MALRD1: variants seen among roughly 807,000 people sequenced by gnomAD.
The protein encoded by MALRD1 is MAM and LDL receptor class A domain containing 1.
A neutral mutation model predicts 242.1 loss-of-function variants in MALRD1; 247 were observed. That is an observed-to-expected ratio of 1.02 (90% confidence interval 0.92 to 1.13). The LOEUF (loss-of-function observed/expected upper bound fraction) is 1.13. MALRD1 is among the 50% of genes most tolerant of loss of function. The pLI, the probability that MALRD1 is intolerant of heterozygous loss-of-function variation, is 0.00. For synonymous variants in MALRD1, 995 were observed against 866.6 expected (o/e 1.15, Z -2.60); for missense variants, 2,989 against 2,533.1 (o/e 1.18, Z -3.86).
At chr10:19,586,158 G>T (rs1204156986) in intron 33 of MALRD1, among the ~76,000 whole-genome samples, 5 of 151,982 alleles carry the variant, frequency 3.3e-5, no homozygotes, top group Non-Finnish European at 1.5e-5. Flanking sequence ...CAACTTCTTT[G>T]CCTTTGGTGT....
chr10:19,603,503 T>C (rs1838463310), intron 34 of MALRD1, among the ~76,000 whole-genome samples: 1 of 152,132 alleles, frequency 6.6e-6, no homozygotes, highest in African/African-American at 2.4e-5. Context: ...CAGATGGTTG[T>C]AGATGTGTGG....
intron 4 of MALRD1, among the ~76,000 whole-genome samples, chr10:19,096,544 C>G (rs994894780): frequency 6.6e-6 from 1 of 152,174 alleles, no homozygotes; most frequent in African/African-American, 2.4e-5. Flanking sequence ...TCTATCCTGT[C>G]AGCAAGTGAG....
chr10:19,587,654 A>T (rs1301829023), intron 33 of MALRD1, among the ~76,000 whole-genome samples: 1 of 152,250 alleles, frequency 6.6e-6, no homozygotes, highest in Non-Finnish European at 1.5e-5. Context: ...GAACAATGAA[A>T]CTTAACGTCT....
intron 24 of MALRD1, among the ~76,000 whole-genome samples, chr10:19,340,144 A>G (rs1000459243): frequency 6.6e-6 from 1 of 152,084 alleles, no homozygotes. Flanking sequence ...GAGCCAAACC[A>G]TTTCATAGTA....
At chr10:19,688,995 A>AAAG (rs1256015406) in intron 36 of MALRD1, among the ~76,000 whole-genome samples, 1 of 152,166 alleles carries the variant, frequency 6.6e-6, no homozygotes, top group Admixed American at 6.6e-5. Flanking sequence ...GGTGAAGAGG[A>AAAG]AAGAAGAAGA....
intron 4 of MALRD1, among the ~76,000 whole-genome samples, chr10:19,099,226 T>C (rs1425788530): frequency 6.6e-6 from 1 of 152,206 alleles, no homozygotes; most frequent in African/African-American, 2.4e-5. Flanking sequence ...TTTTTCAGGC[T>C]GCTATTTGTT....
chr10:19,360,535 G>T (rs1844845638), intron 26 of MALRD1, among the ~76,000 whole-genome samples: 1 of 151,878 alleles, frequency 6.6e-6, no homozygotes, highest in South Asian at 2.1e-4. Context: ...TTCCTCTATT[G>T]CTGGTGATAA....
chr10:19,480,803 CCTT>C (rs1836961043), intron 29 of MALRD1, among the ~76,000 whole-genome samples: 1 of 152,072 alleles, frequency 6.6e-6, no homozygotes. Flanking sequence ...ATCTCTTCTT[CCTT>C]CTTTCTAGGC....
intron 31 of MALRD1, among the ~76,000 whole-genome samples, chr10:19,500,653 C>A (rs1437132958): frequency 2.6e-5 from 4 of 152,128 alleles, no homozygotes; most frequent in African/African-American, 9.7e-5. Flanking sequence ...ACTTTTAAAA[C>A]CTGAAGTCAG....
intron 33 of MALRD1, among the ~76,000 whole-genome samples, chr10:19,574,418 C>CCT (rs1322973948): frequency 6.6e-6 from 1 of 152,166 alleles, no homozygotes; most frequent in Non-Finnish European, 1.5e-5. Context: ...TTATATGGCA[C>CCT]CTCTCTCTTC....
chr10:19,465,773 A>G (rs550772408), intron 29 of MALRD1, among the ~76,000 whole-genome samples: 19 of 152,248 alleles, frequency 1.2e-4, no homozygotes, highest in African/African-American at 3.4e-4. Context: ...AGCTCAAGCA[A>G]TCTACCTGCT....
intron 28 of MALRD1, among the ~76,000 whole-genome samples, chr10:19,447,059 CACAT>C (rs540524911): frequency 7.2e-5 from 7 of 96,924 alleles, no homozygotes; most frequent in Non-Finnish European, 1.3e-4. Flanking sequence ...CACACACACA[CACAT>C]ACACAGACAC....
chr10:19,442,118 G>A (rs939392122), intron 28 of MALRD1, among the ~76,000 whole-genome samples: 1 of 152,104 alleles, frequency 6.6e-6, no homozygotes, highest in East Asian at 1.9e-4. Flanking sequence ...GTTCACTCAT[G>A]ATTTGGCTCT....
chr10:19,096,169 C>G (rs1036872975), intron 4 of MALRD1, among the ~76,000 whole-genome samples: 1 of 152,070 alleles, frequency 6.6e-6, no homozygotes, highest in African/African-American at 2.4e-5. Context: ...TAGGTCAAAC[C>G]TTTCAAAATA....
At chr10:19,241,957 CTTA>C (rs1838801533) in intron 18 of MALRD1, among the ~76,000 whole-genome samples, 1 of 152,078 alleles carries the variant, frequency 6.6e-6, no homozygotes, top group Admixed American at 6.6e-5. Flanking sequence ...TTTGTTAAGA[CTTA>C]TTATGTGTCA....
intron 28 of MALRD1, among the ~76,000 whole-genome samples, chr10:19,395,736 A>G (rs1002970683): frequency 3.2e-4 from 48 of 152,346 alleles, no homozygotes; most frequent in African/African-American, 9.9e-4. Flanking sequence ...TATAAAATAA[A>G]TATTTCTTTA....
rs550715597 is a variant in MALRD1, at chr10:19,120,485, A to G, written c.695-3007A>G. Among the ~76,000 whole-genome samples, 26 of 152,330 alleles carry G rather than the reference A, an allele frequency of 1.7e-4. No homozygotes were observed. In the South Asian group the frequency reaches 5.4e-3, roughly 32 times the overall value. On this transcript the variant is annotated intron_variant, in intron 5 of 39. Transcript: ENST00000454679. Reference sequence around the variant, plus strand: ...ATAATATACTGATCCATGCTACAACATGGATGAACCTCAAAAACATTTTGC... The same window carrying G: ...ATAATATACTGATCCATGCTACAACGTGGATGAACCTCAAAAACATTTTGC...
At chr10:19,560,896 C>G (rs189636671) in intron 32 of MALRD1, among the ~76,000 whole-genome samples, 1 of 151,870 alleles carries the variant, frequency 6.6e-6, no homozygotes, top group Non-Finnish European at 1.5e-5. Flanking sequence ...CACCATGGCA[C>G]GTGTATACCT....
intron 4 of MALRD1, among the ~76,000 whole-genome samples, chr10:19,101,292 T>A (rs938182916): frequency 4.1e-5 from 6 of 146,400 alleles, no homozygotes; most frequent in Non-Finnish European, 7.5e-5. Flanking sequence ...AATAAATATA[T>A]AACATATATC....
Sources: allele counts gnomAD v4.1 joint callset (sites outside exome capture counted in the v4.1 genomes callset), GRCh38; gene constraint gnomAD v4.1.1; transcripts MANE v1.5; gene names NCBI Gene and HGNC (gene_info 2026-07-23, HGNC 2026-07-21).